Variants in ZNF385D observed in about 807,000 individuals in gnomAD.
The protein encoded by ZNF385D is zinc finger protein 385D.
In ZNF385D, 15 loss-of-function variants were observed where a neutral mutation model predicts 35.8. The ratio of observed to expected loss-of-function variants is 0.42; its 90% CI spans 0.28 to 0.64. ZNF385D has a LOEUF of 0.64. ZNF385D is among the 30% of genes least tolerant of loss of function. ZNF385D has a pLI of 0.23. For missense variants in ZNF385D, 474 were observed against 494.6 expected, an observed-to-expected ratio of 0.96 and a Z score of 0.39; for synonymous variants, 212 against 186.8, an observed-to-expected ratio of 1.13 and a Z score of -1.10.
At chr3:22,138,122 C>T (rs1028468303) in intron 3 of ZNF385D, among the ~76,000 whole-genome samples, 10 of 152,210 alleles carry the variant, frequency 6.6e-5, no homozygotes, top group African/African-American at 2.4e-4. Context: ...ACGTGAAGGA[C>T]ATCTTCGAGG....
chr3:22,043,043 G>C lies in ZNF385D; in HGVS notation c.325+125774C>G, dbSNP rs80055660. 9.3e-4 allele frequency among the ~76,000 whole-genome samples: 142 copies of C among 152,286 alleles called. 1 individual carries two copies. The highest frequency in any genetic ancestry group is 3.3e-3 in the African/African-American group (136 of 41,570). On this transcript the variant is annotated intron_variant, in intron 3 of 5. Coordinates refer to the ZNF385D transcript ENST00000494108. ...GCTTAACAAGGCTCCAAACTGAGAAGTCCATTGTGGCTGACTGTGCCACAC... is the reference window on the plus strand; with the variant it reads ...GCTTAACAAGGCTCCAAACTGAGAACTCCATTGTGGCTGACTGTGCCACAC...
At position 21,751,055 on chromosome 3, in the gene ZNF385D, C is replaced by A; in HGVS notation, c.-139G>T. ...GAGAGCAGTGAGCGCCGAGAGCGTG[C>A]CTCCTCCGCGGGATGAGCGCCTTGC... On this transcript the variant is annotated 5_prime_UTR_variant, in exon 1 of 8. Transcript: ENST00000281523. The A allele has an allele frequency of 1.3e-6, 2 of 1,538,788 alleles. No homozygotes were observed. The highest frequency in any genetic ancestry group is 1.3e-5 in the South Asian group (1 of 79,966).
intron 1 of ZNF385D, among the ~76,000 whole-genome samples, chr3:21,686,146 C>CT (rs1385089224): frequency 2.0e-5 from 3 of 152,058 alleles, no homozygotes; most frequent in Non-Finnish European, 4.4e-5. Flanking sequence ...TAAAAGTAAC[C>CT]TTTTTTTAAT....
chr3:22,030,634 A>C (rs998404235), intron 3 of ZNF385D, among the ~76,000 whole-genome samples: 1 of 152,068 alleles, frequency 6.6e-6, no homozygotes, highest in Non-Finnish European at 1.5e-5. Context: ...CCCTTGACAC[A>C]TGAAGATTAC....
intron 3 of ZNF385D, among the ~76,000 whole-genome samples, chr3:21,767,729 G>T (rs532881750): frequency 6.6e-6 from 1 of 151,914 alleles, no homozygotes; most frequent in African/African-American, 2.4e-5. Context: ...AGAAAGAAGA[G>T]AAAGGATTAT....
intron 3 of ZNF385D, among the ~76,000 whole-genome samples, chr3:22,147,908 A>C (rs1463301717): frequency 6.6e-6 from 1 of 152,202 alleles, no homozygotes; most frequent in African/African-American, 2.4e-5. Flanking sequence ...AATCATGAGC[A>C]ATCATGGCTC....
chr3:21,561,186 G>A (rs536735907), intron 3 of ZNF385D, among the ~76,000 whole-genome samples: 3 of 152,266 alleles, frequency 2.0e-5, no homozygotes, highest in South Asian at 4.2e-4. Flanking sequence ...GAAGCCACTG[G>A]GGTATGAAAA....
chr3:21,946,395 T>A (rs565719429), intron 3 of ZNF385D, among the ~76,000 whole-genome samples: 1 of 152,328 alleles, frequency 6.6e-6, no homozygotes, highest in Admixed American at 6.5e-5. Flanking sequence ...CCCATTAGTT[T>A]GTAGGCATTG....
At chr3:21,736,870 T>A (rs138276748) in intron 1 of ZNF385D, among the ~76,000 whole-genome samples, 52 of 152,326 alleles carry the variant, frequency 3.4e-4, no homozygotes, top group African/African-American at 1.2e-3. Flanking sequence ...AATTCATCAA[T>A]AAAAAATTTC....
intron 3 of ZNF385D, among the ~76,000 whole-genome samples, chr3:21,760,312 C>T (rs906555159): frequency 6.6e-6 from 1 of 152,322 alleles, no homozygotes; most frequent in African/African-American, 2.4e-5. Context: ...GTGAATACAA[C>T]TGGAGGAACT....
At chr3:22,128,877 T>G (rs1372738600) in intron 3 of ZNF385D, among the ~76,000 whole-genome samples, 1 of 152,224 alleles carries the variant, frequency 6.6e-6, no homozygotes, top group Non-Finnish European at 1.5e-5. Context: ...CTTGTCACTC[T>G]GAAATTGGTC....
intron 3 of ZNF385D, chr3:22,168,655 AAG>A (rs1706491489): frequency 3.3e-6 from 1 of 303,992 alleles, no homozygotes. Flanking sequence ...TTCACTCTCA[AAG>A]AGAAATGATG....
intron 3 of ZNF385D, among the ~76,000 whole-genome samples, chr3:21,863,459 A>G (rs1575798382): frequency 6.6e-6 from 1 of 152,282 alleles, no homozygotes; most frequent in South Asian, 2.1e-4. Flanking sequence ...GTTTGTCTTC[A>G]TTCTTTGAGC....
At chr3:21,610,070 A>AAAT (rs1309827795) in intron 2 of ZNF385D, among the ~76,000 whole-genome samples, 1 of 152,126 alleles carries the variant, frequency 6.6e-6, no homozygotes, top group Non-Finnish European at 1.5e-5. Context: ...TACTTTCTTT[A>AAAT]AATACTGTGT....
At chr3:21,710,633 C>T (rs1408984607) in intron 1 of ZNF385D, among the ~76,000 whole-genome samples, 1 of 152,134 alleles carries the variant, frequency 6.6e-6, no homozygotes. Flanking sequence ...TATACTCATG[C>T]ATGTTTGGGA....
intron 3 of ZNF385D, among the ~76,000 whole-genome samples, chr3:22,108,955 T>C (rs887802128): frequency 6.6e-6 from 1 of 152,124 alleles, no homozygotes; most frequent in African/African-American, 2.4e-5. Flanking sequence ...GAGGTTGCAA[T>C]GAGCCAAGAT....
chr3:22,287,225 A>T (rs1348047176), intron 2 of ZNF385D, among the ~76,000 whole-genome samples: 1 of 151,876 alleles, frequency 6.6e-6, no homozygotes, highest in Non-Finnish European at 1.5e-5. Flanking sequence ...CATAGGATAT[A>T]TTTTTTCACC....
chr3:21,613,888 G>A (rs1275946276), intron 2 of ZNF385D, among the ~76,000 whole-genome samples: 1 of 152,168 alleles, frequency 6.6e-6, no homozygotes, highest in African/African-American at 2.4e-5. Context: ...TGCTGGCTTG[G>A]ATGAACAAAT....
chr3:21,858,157 CAA>C (rs34471727), intron 3 of ZNF385D, among the ~76,000 whole-genome samples: 16 of 119,578 alleles, frequency 1.3e-4, no homozygotes, highest in African/African-American at 2.5e-4. Context: ...AAGAGTCTAT[CAA>C]AAAAAAAAAA....
Sources: gnomAD v4.1 joint callset for allele counts (sites outside exome capture counted in the v4.1 genomes callset) on GRCh38, gnomAD v4.1.1 for gene constraint, MANE v1.5 for transcripts, NCBI Gene and HGNC (gene_info 2026-07-23, HGNC 2026-07-21) for gene names.